PRKCE: variants seen among roughly 807,000 people sequenced by gnomAD.
The protein encoded by PRKCE is protein kinase C epsilon type.
In PRKCE, 16 loss-of-function variants were observed where a neutral mutation model predicts 85.4. That is an observed-to-expected ratio of 0.19 (90% confidence interval 0.13 to 0.28). PRKCE has a LOEUF of 0.28. Ranked by LOEUF, PRKCE falls within the 10% of genes least tolerant of loss-of-function variation. PRKCE has a pLI of 1.00. For synonymous variants in PRKCE, 388 were observed against 371.5 expected, an observed-to-expected ratio of 1.04 and a Z score of -0.51; for missense variants, 573 against 975.2, an observed-to-expected ratio of 0.59 and a Z score of 5.49.
intron 1 of PRKCE, among the ~76,000 whole-genome samples, chr2:45,829,917 C>CA (rs1207847575): frequency 6.6e-6 from 1 of 151,308 alleles, no homozygotes; most frequent in African/African-American, 2.4e-5. Context: ...ACTAAAAATA[C>CA]AAAAAATTAG....
At chr2:45,772,114 TA>T (rs1685384679) in intron 1 of PRKCE, among the ~76,000 whole-genome samples, 1 of 122,440 alleles carries the variant, frequency 8.2e-6, no homozygotes, top group African/African-American at 2.6e-5. Flanking sequence ...CCTGGTTAAG[TA>T]GGTAGTCCGA....
At chr2:46,129,505 T>C (rs1265212501) in intron 11 of PRKCE, among the ~76,000 whole-genome samples, 1 of 152,238 alleles carries the variant, frequency 6.6e-6, no homozygotes, top group Non-Finnish European at 1.5e-5. Flanking sequence ...GTTTCCATAG[T>C]GCCAAGAACA....
rs138420305 is a variant in PRKCE, at chr2:45,771,677, C to T, written c.349-71323C>T. On this transcript the variant is annotated intron_variant, in intron 1 of 14. Coordinates refer to ENST00000306156, the MANE Select transcript of PRKCE (RefSeq NM_005400.3). ...TTGTACTTGCCTAAGATACAGGGGACGTGGAGTGACTCTACAGAGTGGGGC... is the reference window on the plus strand; with the variant it reads ...TTGTACTTGCCTAAGATACAGGGGATGTGGAGTGACTCTACAGAGTGGGGC... 2.2e-3 allele frequency among the ~76,000 whole-genome samples: 337 copies of T among 150,220 alleles called. 1 individual carries two copies. Among genetic ancestry groups the T allele is most frequent in the Non-Finnish European group, 3.3e-3 (224 of 67,500 alleles).
rs192179317 is a variant in PRKCE, at chr2:45,841,364, A to G, written c.349-1636A>G. On this transcript the variant is annotated intron_variant, in intron 1 of 14. Transcript: ENST00000306156. ...CCTTCAGTATGTGGCTGAAGGCCCA[A>G]GAGCCCCTGGCAAACCACTGGTGTA... Among the ~76,000 whole-genome samples, 552 of 152,342 alleles carry G rather than the reference A, an allele frequency of 3.6e-3. 2 individuals are homozygous for G. Among genetic ancestry groups the G allele is most frequent in the African/African-American group, 0.013 (526 of 41,572 alleles).
At chr2:46,013,618 C>A (rs369975137) in intron 10 of PRKCE, among the ~76,000 whole-genome samples, 109 of 152,264 alleles carry the variant, frequency 7.2e-4, no homozygotes, top group African/African-American at 2.6e-3. Context: ...CCACCTTAAA[C>A]CTGGTTTCCA....
intron 2 of PRKCE, among the ~76,000 whole-genome samples, chr2:45,852,818 T>G (rs1692381437): frequency 2.0e-5 from 3 of 152,176 alleles, no homozygotes; most frequent in Admixed American, 6.5e-5. Context: ...TTTTACATAT[T>G]GGAAAAGTGA....
At chr2:45,987,306 C>T (rs1452205590) in intron 6 of PRKCE, among the ~76,000 whole-genome samples, 10 of 152,036 alleles carry the variant, frequency 6.6e-5, no homozygotes, top group African/African-American at 2.2e-4. Context: ...CCCAGGAACC[C>T]GGAGGGAATC....
chr2:46,001,648 T>A lies in PRKCE; in HGVS notation c.966+102T>A. 7.4e-7 allele frequency: 1 copy of A among 1,347,862 alleles called. No individual in the cohort carries two copies. Among genetic ancestry groups the A allele is most frequent in the South Asian group, 1.6e-5 (1 of 63,084 alleles). The allele number at this position is 1,347,862 out of a possible 1,614,324, so 83.5% of individuals were successfully genotyped here. A position where few individuals can be genotyped will look rare whatever the true frequency, so the allele number is the denominator to read the frequency against. On this transcript the variant is annotated intron_variant, in intron 7 of 14. Coordinates refer to ENST00000306156, the MANE Select transcript of PRKCE (RefSeq NM_005400.3). The surrounding 1 kb of genome is among the most constrained non-coding windows in gnomAD (Gnocchi z 4.4). ...GGAGTGAGGTAATAAGATTCCTGGG[T>A]TTGAGGTATTTTACTCAGAACTGCA...
chr2:46,086,385 T>G (rs921317848), intron 11 of PRKCE, 23 bp downstream of exon 11: 3 of 1,588,244 alleles, frequency 1.9e-6, no homozygotes, highest in African/African-American at 1.3e-5. Context: ...CTCCTCCTCT[T>G]TCCTGAAAGT....
chr2:45,822,772 C>T (rs1431732503), intron 1 of PRKCE, among the ~76,000 whole-genome samples: 1 of 152,200 alleles, frequency 6.6e-6, no homozygotes, highest in Non-Finnish European at 1.5e-5. Context: ...CTCTTTTCTG[C>T]CTTAGTTAGG....
chr2:45,936,516 G>A (rs915283622), intron 2 of PRKCE, among the ~76,000 whole-genome samples: 3 of 152,092 alleles, frequency 2.0e-5, no homozygotes, highest in Admixed American at 6.5e-5. Flanking sequence ...TTTCTTTACC[G>A]AGAGGAAGCC....
intron 1 of PRKCE, among the ~76,000 whole-genome samples, chr2:45,732,080 T>A (rs1198957348): frequency 6.6e-6 from 1 of 152,162 alleles, no homozygotes; most frequent in Non-Finnish European, 1.5e-5. Context: ...AATACAGATG[T>A]CCTAGAGAAG....
chr2:46,089,876 A>G (rs1669997218), intron 11 of PRKCE, among the ~76,000 whole-genome samples: 1 of 152,044 alleles, frequency 6.6e-6, no homozygotes, highest in South Asian at 2.1e-4. Context: ...TCCCCCAAAT[A>G]CCATTGCCTC....
chr2:46,086,233 A>G lies in PRKCE; in HGVS notation c.1463A>G (p.Tyr488Cys), dbSNP rs1334280073. Residue 488 changes from tyrosine to cysteine, a missense_variant, in exon 11 of 15, where the codon TAT becomes TGT. Tyr to Cys is a radical substitution (Grantham distance 194, BLOSUM62 -2). Around this residue, in one of 11 missense-constraint regions of PRKCE, gnomAD observed 89 missense variants for 154.1 expected, o/e 0.58. Coordinates refer to ENST00000306156, the MANE Select transcript of PRKCE (RefSeq NM_005400.3). ...GACCGCCTCTTTTTCGTCATGGAAT[A>G]TGTAAATGGTGGAGACCTCATGTTT... is the stretch of plus-strand genomic sequence containing the variant. Reference protein sequence around the residue: ...TKDRLFFVMEYVNGGDLMFQI... With the variant: ...TKDRLFFVMECVNGGDLMFQI... 1.3e-6 allele frequency: 2 copies of G among 1,599,574 alleles called. No homozygotes were observed. The highest frequency in any genetic ancestry group is 1.7e-6 in the Non-Finnish European group (2 of 1,179,946).
At chr2:46,097,681 T>G (rs1193586145) in intron 11 of PRKCE, among the ~76,000 whole-genome samples, 1 of 152,184 alleles carries the variant, frequency 6.6e-6, no homozygotes, top group African/African-American at 2.4e-5. Flanking sequence ...TGCACTTTAG[T>G]TATAAAAGTC....
rs1414433210 is a variant in PRKCE at position 45,697,622 on chromosome 2, C to T, written c.348+45174C>T. Reference sequence around the variant, plus strand: ...TTTTGTTCCGGCTCTGATTACCTCCCTCCCTAGGTGACATCCCTGCAGGTG... The same window carrying T: ...TTTTGTTCCGGCTCTGATTACCTCCTTCCCTAGGTGACATCCCTGCAGGTG... On this transcript the variant is annotated intron_variant, in intron 1 of 14. Transcript: ENST00000306156. The surrounding 1 kb of genome is among the most constrained non-coding windows in gnomAD (Gnocchi z 4.2). Among the ~76,000 whole-genome samples, 1 of 152,120 alleles carries T rather than the reference C, an allele frequency of 6.6e-6. No individual in the cohort carries two copies. Among genetic ancestry groups the T allele is most frequent in the Non-Finnish European group, 1.5e-5 (1 of 68,022 alleles).
At chr2:45,980,256 C>A (rs375771909) in intron 4 of PRKCE, 40 bp from the exon 5 acceptor site, 2 of 1,575,550 alleles carry the variant, frequency 1.3e-6, no homozygotes, top group Non-Finnish European at 1.7e-6. Context: ...CACTCCCTTT[C>A]CTGAGTGTCA....
chr2:46,129,226 G>A (rs976168988), intron 11 of PRKCE, among the ~76,000 whole-genome samples: 2 of 152,152 alleles, frequency 1.3e-5, no homozygotes, highest in South Asian at 4.1e-4. Flanking sequence ...GTGAGCACAG[G>A]GTCTTCATGG....
intron 1 of PRKCE, among the ~76,000 whole-genome samples, chr2:45,790,377 A>G (rs1468866616): frequency 6.6e-6 from 1 of 152,194 alleles, no homozygotes; most frequent in African/African-American, 2.4e-5. Context: ...GCTGAGAAAA[A>G]CACACACGTG....
Sources: gnomAD v4.1 joint callset for allele counts (sites outside exome capture counted in the v4.1 genomes callset) on GRCh38, gnomAD v4.1.1 for gene constraint, gnomAD v4.1.1 regional missense constraint, Gnocchi (gnomAD v3.1) non-coding constraint, MANE v1.5 for transcripts, NCBI Gene and HGNC (gene_info 2026-07-23, HGNC 2026-07-21) for gene names.